Variants in KLHL1 observed in about 807,000 individuals in gnomAD.
The protein encoded by KLHL1 is kelch like family member 1.
In KLHL1, 47 loss-of-function variants were observed where a neutral mutation model predicts 77.7. The observed-to-expected ratio is 0.60, with a 90% CI of 0.48 to 0.77. The LOEUF is 0.77. Ranked by LOEUF, KLHL1 falls within the 30% of genes least tolerant of loss-of-function variation. The pLI is 0.00. For missense variants in KLHL1, 925 were observed against 910.8 expected (o/e 1.02, Z -0.20); for synonymous variants, 360 against 325.2 (o/e 1.11, Z -1.15).
intron 4 of KLHL1, among the ~76,000 whole-genome samples, chr13:69,892,037 A>T (rs1198473694): frequency 6.6e-6 from 1 of 152,128 alleles, no homozygotes; most frequent in Non-Finnish European, 1.5e-5. Flanking sequence ...TTAGAGTAGT[A>T]GTATTTATTT....
chr13:69,956,200 A>G lies in KLHL1; in HGVS notation c.817+5108T>C, dbSNP rs546228643. 1.1e-3 allele frequency among the ~76,000 whole-genome samples: 151 copies of G among 135,124 alleles called. 1 individual carries two copies. The highest frequency in any genetic ancestry group is 4.4e-3 in the African/African-American group (148 of 33,676). 88.6% of individuals were successfully genotyped at this position (135,124 alleles called of 152,430 possible). A position where few individuals can be genotyped will look rare whatever the true frequency, so the allele number is the denominator to read the frequency against. On this transcript the variant is annotated intron_variant, in intron 3 of 10. Coordinates refer to ENST00000377844, the MANE Select transcript of KLHL1 (RefSeq NM_020866.3). ...TATATATCTGATATATATATAAAAC[A>G]AAAATGTTTAAACCAAAATAAGATA...
chr13:69,942,993 T>C (rs993879616), intron 3 of KLHL1, among the ~76,000 whole-genome samples: 26 of 152,140 alleles, frequency 1.7e-4, no homozygotes, highest in African/African-American at 6.0e-4. Flanking sequence ...TTTTCATCTA[T>C]AAATTTATGT....
rs143315520 is a variant in KLHL1 at position 69,770,410 on chromosome 13, C to T, written c.1639+26328G>A. On this transcript the variant is annotated intron_variant, in intron 7 of 10. Coordinates refer to ENST00000377844, the MANE Select transcript of KLHL1 (RefSeq NM_020866.3). ...GTGAAGTGGAACCAAAACTATCCTA[C>T]GTCATTGACAAGCTGTGAATGCATT... Among the ~76,000 whole-genome samples, 187 of 152,346 alleles carry T rather than the reference C, an allele frequency of 1.2e-3. 1 individual carries two copies. Among genetic ancestry groups the T allele is most frequent in the South Asian group, 9.1e-3 (44 of 4,830 alleles).
In KLHL1 at chr13:69,975,613, A is replaced by G. The variant is rs1395855320; in HGVS notation, c.680+7T>C. The G allele has an allele frequency of 2.5e-6, 4 of 1,611,816 alleles. No individual in the cohort carries two copies. The highest frequency in any genetic ancestry group is 2.7e-5 in the African/African-American group (2 of 74,796). On this transcript the variant is annotated splice_region_variant and intron_variant, in intron 2 of 10. Transcript: ENST00000377844. ...TGCATGTTTCCAGTAGAGGCAGACT[A>G]CTGTACCTATGTGCAGGTATCTTTC...
chr13:70,063,290 C>A (rs1392056864), intron 1 of KLHL1, among the ~76,000 whole-genome samples: 1 of 152,012 alleles, frequency 6.6e-6, no homozygotes, highest in Non-Finnish European at 1.5e-5. Flanking sequence ...TTCAGGGAGC[C>A]CCTCCACAGA....
Position 70,107,196 on chromosome 13 carries a change from ACTGT to A in KLHL1, c.497+3_497+6del. On this transcript the variant is annotated splice_donor_5th_base_variant and intron_variant, in intron 1 of 10. Coordinates refer to ENST00000377844, the MANE Select transcript of KLHL1 (RefSeq NM_020866.3). The stretch of plus-strand genomic sequence containing the variant: ...ATGCTTGGAAGCCCCGTGGGGACTT[ACTGT>A]ACCTGTGTCCACATCCTTCACCTGT... 6.3e-7 allele frequency: 1 copy of A among 1,594,544 alleles called. No individual in the cohort carries two copies. Among genetic ancestry groups the A allele is most frequent in the Non-Finnish European group, 8.6e-7 (1 of 1,169,508 alleles).
rs117782166 is a variant in KLHL1, at chr13:70,053,700, T to A, written c.497+53503A>T. Among the ~76,000 whole-genome samples the A allele has an allele frequency of 1.7e-4, 26 of 152,250 alleles. No individual in the cohort carries two copies. The East Asian group carries it at 5.0e-3, about 29-fold the overall frequency. Reference sequence around the variant, plus strand: ...CCAAATATGTTTTTAGACTGTGTATTGGCTACTTGATTTCTATTGTTGTAA... The same window carrying A: ...CCAAATATGTTTTTAGACTGTGTATAGGCTACTTGATTTCTATTGTTGTAA... On this transcript the variant is annotated intron_variant, in intron 1 of 10. Coordinates refer to ENST00000377844, the MANE Select transcript of KLHL1 (RefSeq NM_020866.3).
chr13:69,734,984 A>G (rs1367905092), intron 8 of KLHL1, among the ~76,000 whole-genome samples: 1 of 152,104 alleles, frequency 6.6e-6, no homozygotes, highest in Non-Finnish European at 1.5e-5. Flanking sequence ...GAAATCATTT[A>G]TAAGCAACTT....
intron 6 of KLHL1, among the ~76,000 whole-genome samples, chr13:69,815,143 T>C (rs948011706): frequency 2.0e-5 from 3 of 152,216 alleles, no homozygotes; most frequent in Non-Finnish European, 4.4e-5. Context: ...AAAGCAGTTA[T>C]TAGATTTCTC....
intron 9 of KLHL1, among the ~76,000 whole-genome samples, chr13:69,711,742 A>G (rs1348751966): frequency 6.6e-6 from 1 of 152,202 alleles, no homozygotes; most frequent in African/African-American, 2.4e-5. Context: ...TCTGGGTCAA[A>G]GAGAGTGTAT....
intron 4 of KLHL1, among the ~76,000 whole-genome samples, chr13:69,910,870 G>A (rs894373730): frequency 6.6e-6 from 1 of 152,044 alleles, no homozygotes; most frequent in Admixed American, 6.6e-5. Flanking sequence ...ACATATATAA[G>A]CAATCAGGAA....
intron 5 of KLHL1, among the ~76,000 whole-genome samples, chr13:69,850,344 A>C (rs747497272): frequency 6.6e-6 from 1 of 151,494 alleles, no homozygotes; most frequent in Non-Finnish European, 1.5e-5. Flanking sequence ...ATATGAATAC[A>C]TATTTCCAAA....
chr13:69,897,112 T>A (rs187959598), intron 4 of KLHL1, among the ~76,000 whole-genome samples: 1 of 152,314 alleles, frequency 6.6e-6, no homozygotes, highest in Non-Finnish European at 1.5e-5. Flanking sequence ...TGATAATTTA[T>A]TTAAAAATCA....
intron 1 of KLHL1, among the ~76,000 whole-genome samples, chr13:69,983,047 T>G (rs1489669696): frequency 6.6e-6 from 1 of 152,134 alleles, no homozygotes; most frequent in Non-Finnish European, 1.5e-5. Flanking sequence ...ATCAGTAGTA[T>G]TCTTCTACCT....
intron 6 of KLHL1, among the ~76,000 whole-genome samples, chr13:69,833,884 C>T (rs530695130): frequency 8.0e-5 from 12 of 150,316 alleles, no homozygotes. Context: ...CACACATATG[C>T]CATGGAATAC....
chr13:70,039,111 G>A (rs1886310742), intron 1 of KLHL1, among the ~76,000 whole-genome samples: 1 of 148,702 alleles, frequency 6.7e-6, no homozygotes, highest in Non-Finnish European at 1.5e-5. Context: ...TCCCAAGCTG[G>A]AGTACAGTTG....
intron 1 of KLHL1, among the ~76,000 whole-genome samples, chr13:70,033,909 C>G (rs1007669839): frequency 6.6e-6 from 1 of 152,070 alleles, no homozygotes. Flanking sequence ...CTGCACCTGG[C>G]CTCTAATAAA....
At chr13:69,833,144 G>T (rs929927685) in intron 6 of KLHL1, among the ~76,000 whole-genome samples, 1 of 152,056 alleles carries the variant, frequency 6.6e-6, no homozygotes, top group African/African-American at 2.4e-5. Flanking sequence ...CACACCAAAG[G>T]AAATAATCAG....
chr13:70,075,569 G>GTA lies in KLHL1; in HGVS notation c.497+31632_497+31633dup, dbSNP rs1555295388. Among the ~76,000 whole-genome samples, 751 of 106,636 alleles carry GTA rather than the reference G, an allele frequency of 7.0e-3. 21 individuals carry two copies. Among genetic ancestry groups the GTA allele is most frequent in the African/African-American group, 0.023 (638 of 27,318 alleles). The allele number at this position is 106,636 out of a possible 152,430, so 70.0% of individuals were successfully genotyped here. A position where few individuals can be genotyped will look rare whatever the true frequency, so the allele number is the denominator to read the frequency against. Reference sequence around the variant, plus strand: ...TATATATACCTGTGTGTGTGTATGTGTATATATATATATATATATACACAC... The same window carrying GTA: ...TATATATACCTGTGTGTGTGTATGTGTATATATATATATATATATATACACAC... On this transcript the variant is annotated intron_variant, in intron 1 of 10. Coordinates refer to ENST00000377844, the MANE Select transcript of KLHL1 (RefSeq NM_020866.3).
Sources: gnomAD v4.1 joint callset for allele counts (sites outside exome capture counted in the v4.1 genomes callset) on GRCh38, gnomAD v4.1.1 for gene constraint, MANE v1.5 for transcripts, NCBI Gene and HGNC (gene_info 2026-07-23, HGNC 2026-07-21) for gene names.